Variants in SLC26A8 observed in about 807,000 individuals in gnomAD.
The protein encoded by SLC26A8 is testis anion transporter 1.
A neutral mutation model predicts 105.0 loss-of-function variants in SLC26A8; 70 were observed. The ratio of observed to expected loss-of-function variants is 0.67; its 90% CI spans 0.55 to 0.81. The LOEUF (loss-of-function observed/expected upper bound fraction) is 0.81. Ranked by LOEUF, SLC26A8 falls within the 40% of genes least tolerant of loss-of-function variation. The probability of loss-of-function intolerance (pLI) is 0.00; values close to 1 mark genes in which losing one functional copy is unlikely to be tolerated. For synonymous variants in SLC26A8, 415 were observed against 438.3 expected, an observed-to-expected ratio of 0.95 and a Z score of 0.66; for missense variants, 998 against 1,181.8, an observed-to-expected ratio of 0.84 and a Z score of 2.28.
At chr6:35,973,781 G>A (rs1372832882) in intron 10 of SLC26A8, among the ~76,000 whole-genome samples, 1 of 152,172 alleles carries the variant, frequency 6.6e-6, no homozygotes, top group African/African-American at 2.4e-5. Flanking sequence ...CCATGTGAAA[G>A]TTGACTGTTC....
chr6:35,985,376 T>C (rs1343861997), intron 7 of SLC26A8, among the ~76,000 whole-genome samples: 1 of 152,038 alleles, frequency 6.6e-6, no homozygotes, highest in African/African-American at 2.4e-5. Flanking sequence ...TGAAGGAACA[T>C]CACTATGATC....
chr6:36,009,837 T>C (rs149368284), intron 3 of SLC26A8, among the ~76,000 whole-genome samples: 582 of 152,314 alleles, frequency 3.8e-3, no homozygotes, highest in Non-Finnish European at 6.5e-3. Context: ...GATATTACCA[T>C]TGGGGAAACT....
chr6:36,012,130 TA>T (rs1581696838), intron 3 of SLC26A8, 102 bp downstream of exon 3: 11 of 1,433,270 alleles, frequency 7.7e-6, no homozygotes, highest in Admixed American at 4.5e-5. Flanking sequence ...TAAAATTCAA[TA>T]TTTTTTTTCT....
At chr6:35,947,060 G>T (rs948519458) in intron 19 of SLC26A8, among the ~76,000 whole-genome samples, 1 of 151,226 alleles carries the variant, frequency 6.6e-6, no homozygotes, top group Non-Finnish European at 1.5e-5. Context: ...ACAGGGTCTC[G>T]CTCTGTTGCC....
At position 35,955,242 on chromosome 6, in the gene SLC26A8, ATC is replaced by A; in HGVS notation, c.2140_2141del (p.Asp714CysfsTer56). 4.3e-6 allele frequency: 7 copies of A among 1,614,182 alleles called. No homozygotes were observed. Among genetic ancestry groups the A allele is most frequent in the Non-Finnish European group, 5.9e-6 (7 of 1,180,034 alleles). On this transcript the variant is annotated frameshift_variant, in exon 17 of 20. Coordinates refer to ENST00000490799, the MANE Select transcript of SLC26A8 (RefSeq NM_052961.4). LOFTEE classifies it high-confidence loss of function. ...QGRRSLIPYS[D>X]ASLLPSVHTI... is the part of the protein sequence containing the mutation. ...TGTGGACACTGGGCAGTAGAGACGCATCTGAGTAAGGGATGAGTGATCTCCTC... is the reference window on the plus strand; with the variant it reads ...TGTGGACACTGGGCAGTAGAGACGCATGAGTAAGGGATGAGTGATCTCCTC...
chr6:35,991,360 C>T (rs886620585), intron 7 of SLC26A8, among the ~76,000 whole-genome samples: 4 of 146,388 alleles, frequency 2.7e-5, no homozygotes, highest in Non-Finnish European at 4.4e-5. Flanking sequence ...GCCAAGATTG[C>T]ACCACTGCAC....
chr6:35,949,216 G>A (rs1193261702), intron 19 of SLC26A8, among the ~76,000 whole-genome samples: 1 of 152,086 alleles, frequency 6.6e-6, no homozygotes, highest in Non-Finnish European at 1.5e-5. Flanking sequence ...GGTAGATCAT[G>A]AGGTCAGGAG....
intron 19 of SLC26A8, among the ~76,000 whole-genome samples, chr6:35,946,772 C>G (rs1273805217): frequency 6.6e-6 from 1 of 152,116 alleles, no homozygotes; most frequent in South Asian, 2.1e-4. Flanking sequence ...ACTGTGACCT[C>G]AAACTACTGG....
intron 11 of SLC26A8, among the ~76,000 whole-genome samples, chr6:35,968,249 A>C (rs143119350): frequency 2.1e-4 from 32 of 151,764 alleles, no homozygotes; most frequent in Non-Finnish European, 3.8e-4. Context: ...GGTTCAAGAG[A>C]TTCTCCTGCC....
At chr6:35,957,605 C>T (rs954217857) in intron 16 of SLC26A8, among the ~76,000 whole-genome samples, 2 of 127,884 alleles carry the variant, frequency 1.6e-5, no homozygotes, top group Admixed American at 1.5e-4. Context: ...CTGAGAGCCA[C>T]CTTTTTTTTT....
chr6:36,009,980 A>T (rs1305070546), intron 3 of SLC26A8, among the ~76,000 whole-genome samples: 1 of 152,180 alleles, frequency 6.6e-6, no homozygotes, highest in Non-Finnish European at 1.5e-5. Flanking sequence ...GAGGAAATGA[A>T]ATTCTTATGC....
At chr6:36,023,773 C>T (rs75259292) in intron 1 of SLC26A8, among the ~76,000 whole-genome samples, 1,668 of 152,184 alleles carry the variant, frequency 0.011, 21 homozygotes, top group African/African-American at 0.037. Context: ...CAACCCTACA[C>T]CTGTTACTAC....
intron 7 of SLC26A8, chr6:35,989,525 T>G (rs1773667708): frequency 6.6e-6 from 1 of 152,210 alleles, no homozygotes; most frequent in South Asian, 2.1e-4. Context: ...AGTATCTCTC[T>G]CTACTTTGTA....
chr6:35,943,791 G>A lies in SLC26A8; in HGVS notation c.*109C>T, dbSNP rs957834567. The A allele has an allele frequency of 1.1e-5, 16 of 1,473,310 alleles. No homozygotes were observed. In the African/African-American group the frequency reaches 2.1e-4, roughly 19 times the overall value. The allele number at this position is 1,473,310 out of a possible 1,614,324, so 91.3% of individuals were successfully genotyped here. On this transcript the variant is annotated 3_prime_UTR_variant, in exon 20 of 20. Coordinates refer to ENST00000490799, the MANE Select transcript of SLC26A8 (RefSeq NM_052961.4). ...GGCAGGTAGTAGGAGTCACAGTCAG[G>A]AAGGAAGTACTGCTAGTTCGTATCC... is the stretch of plus-strand genomic sequence containing the variant.
chr6:35,967,468 G>T (rs1455660767), intron 11 of SLC26A8, among the ~76,000 whole-genome samples: 1 of 152,194 alleles, frequency 6.6e-6, no homozygotes, highest in East Asian at 1.9e-4. Context: ...AGAAGAGAAG[G>T]ATTATAGCTA....
chr6:35,961,233 A>G, intron 12 of SLC26A8, 134 bp from the exon 13 acceptor site: 2 of 688,332 alleles, frequency 2.9e-6, no homozygotes. Context: ...TTCCATAGCC[A>G]CATGGACTGG....
At chr6:36,010,507 T>C (rs1248935912) in intron 3 of SLC26A8, among the ~76,000 whole-genome samples, 1 of 150,760 alleles carries the variant, frequency 6.6e-6, no homozygotes, top group African/African-American at 2.4e-5. Flanking sequence ...TCAATTGTGG[T>C]GGTGGTTACA....
chr6:35,984,313 C>T (rs1249861534), intron 7 of SLC26A8, among the ~76,000 whole-genome samples: 3 of 119,466 alleles, frequency 2.5e-5, no homozygotes, highest in Admixed American at 1.2e-4. Flanking sequence ...CTTTCTTCTT[C>T]TTCTTATTTT....
intron 2 of SLC26A8, among the ~76,000 whole-genome samples, chr6:36,016,118 C>T (rs1351654339): frequency 1.3e-5 from 2 of 151,976 alleles, no homozygotes; most frequent in Admixed American, 6.6e-5. Flanking sequence ...CTCAGCCTCT[C>T]GGGTAGCTGG....
Sources: gnomAD v4.1 joint callset for allele counts (sites outside exome capture counted in the v4.1 genomes callset) on GRCh38, gnomAD v4.1.1 for gene constraint, MANE v1.5 for transcripts, NCBI Gene and HGNC (gene_info 2026-07-23, HGNC 2026-07-21) for gene names.